Variants in SPATS2L observed in about 807,000 individuals in gnomAD.
SPATS2L encodes spermatogenesis associated serine rich 2 like, also known as SPATS2-like protein.
In SPATS2L, 30 loss-of-function variants were observed where a neutral mutation model predicts 59.6. That is an observed-to-expected ratio of 0.50 (90% CI 0.38 to 0.68). The LOEUF is 0.68. Ranked by LOEUF, SPATS2L falls within the 30% of genes least tolerant of loss-of-function variation. SPATS2L has a pLI of 0.00. For missense variants in SPATS2L, 615 were observed against 700.0 expected (o/e 0.88, Z 1.37); for synonymous variants, 252 against 263.5 (o/e 0.96, Z 0.42).
At chr2:200,418,029 A>G (rs2083137564) in intron 5 of SPATS2L, among the ~76,000 whole-genome samples, 1 of 152,154 alleles carries the variant, frequency 6.6e-6, no homozygotes, top group African/African-American at 2.4e-5. Context: ...TGATATTCTC[A>G]TGTATTCACC....
intron 2 of SPATS2L, among the ~76,000 whole-genome samples, chr2:200,387,388 T>G (rs2082024847): frequency 6.6e-6 from 1 of 152,212 alleles, no homozygotes; most frequent in Admixed American, 6.5e-5. Context: ...GCAGGGTCTC[T>G]CCTGCTAGCA....
intron 9 of SPATS2L, among the ~76,000 whole-genome samples, chr2:200,464,130 A>G (rs1261830683): frequency 1.3e-5 from 2 of 152,244 alleles, no homozygotes; most frequent in African/African-American, 4.8e-5. Context: ...GTGCTTCCAA[A>G]ACATACTTAT....
intron 3 of SPATS2L, among the ~76,000 whole-genome samples, chr2:200,409,374 T>C (rs1399380583): frequency 6.6e-6 from 1 of 152,182 alleles, no homozygotes; most frequent in East Asian, 1.9e-4. Flanking sequence ...CTTTTTTTTT[T>C]AGATTAAGAT....
At chr2:200,454,602 A>G (rs1016111019) in intron 8 of SPATS2L, among the ~76,000 whole-genome samples, 4 of 152,214 alleles carry the variant, frequency 2.6e-5, no homozygotes, top group South Asian at 2.1e-4. Flanking sequence ...AGTCTTTGCC[A>G]TGGTAATCTC....
intron 2 of SPATS2L, chr2:200,378,513 C>A (rs945180861): frequency 6.3e-5 from 30 of 479,210 alleles, no homozygotes; most frequent in Middle Eastern, 9.8e-4. Context: ...CACCAAGTGC[C>A]AGTGCGTTTA....
intron 8 of SPATS2L, among the ~76,000 whole-genome samples, chr2:200,454,881 T>G (rs2085729468): frequency 6.6e-6 from 1 of 152,212 alleles, no homozygotes; most frequent in African/African-American, 2.4e-5. Flanking sequence ...GTTATGTATT[T>G]CTGTCAAGTA....
At chr2:200,397,302 C>G (rs529137707) in intron 3 of SPATS2L, among the ~76,000 whole-genome samples, 1 of 152,130 alleles carries the variant, frequency 6.6e-6, no homozygotes, top group East Asian at 1.9e-4. Flanking sequence ...ATTCACAATC[C>G]CTTGGGATTT....
intron 6 of SPATS2L, among the ~76,000 whole-genome samples, chr2:200,424,194 T>A (rs755145413): frequency 2.0e-5 from 3 of 152,134 alleles, no homozygotes; most frequent in Non-Finnish European, 4.4e-5. Flanking sequence ...AGATCAAGAT[T>A]TATTTTTGCC....
intron 6 of SPATS2L, among the ~76,000 whole-genome samples, chr2:200,428,070 AAAC>A (rs1201590982): frequency 1.4e-4 from 18 of 128,652 alleles, no homozygotes; most frequent in African/African-American, 1.7e-4. Context: ...CGTGTCTCAA[AAAC>A]AAAAAAAAAA....
At chr2:200,441,075 T>C (rs1333597740) in intron 8 of SPATS2L, among the ~76,000 whole-genome samples, 1 of 152,176 alleles carries the variant, frequency 6.6e-6, no homozygotes, top group Non-Finnish European at 1.5e-5. Flanking sequence ...CCTCAAAAAA[T>C]AGTATTTTTG....
intron 8 of SPATS2L, among the ~76,000 whole-genome samples, chr2:200,447,957 C>T (rs555170207): frequency 6.6e-6 from 1 of 152,264 alleles, no homozygotes; most frequent in African/African-American, 2.4e-5. Flanking sequence ...CCAGCTGGAG[C>T]AACACAGGGA....
chr2:200,347,232 T>C (rs1181394862), intron 2 of SPATS2L, among the ~76,000 whole-genome samples: 1 of 152,164 alleles, frequency 6.6e-6, no homozygotes, highest in Non-Finnish European at 1.5e-5. Flanking sequence ...AGTAACACAT[T>C]CTGATTTTAT....
intron 2 of SPATS2L, among the ~76,000 whole-genome samples, chr2:200,378,895 C>T (rs1478324516): frequency 1.3e-5 from 2 of 152,096 alleles, no homozygotes; most frequent in Non-Finnish European, 2.9e-5. Flanking sequence ...CAGTGTTGTC[C>T]TTATAAAGAT....
chr2:200,424,046 A>C (rs181718301), intron 6 of SPATS2L, among the ~76,000 whole-genome samples: 1 of 152,352 alleles, frequency 6.6e-6, no homozygotes, highest in East Asian at 1.9e-4. Context: ...CAGATCGTTT[A>C]GAAGTTTAGG....
intron 12 of SPATS2L, among the ~76,000 whole-genome samples, chr2:200,475,738 G>A (rs181041483): frequency 1.3e-5 from 2 of 152,248 alleles, no homozygotes; most frequent in African/African-American, 4.8e-5. Context: ...CTGAATTATT[G>A]GGGGTTGGTC....
intron 8 of SPATS2L, among the ~76,000 whole-genome samples, chr2:200,449,735 T>A (rs1326333241): frequency 1.3e-5 from 2 of 152,222 alleles, no homozygotes; most frequent in Non-Finnish European, 2.9e-5. Context: ...AATTTGTTCT[T>A]ATATCTTAGT....
At chr2:200,411,666 G>T (rs540110103) in intron 3 of SPATS2L, among the ~76,000 whole-genome samples, 1 of 152,188 alleles carries the variant, frequency 6.6e-6, no homozygotes, top group African/African-American at 2.4e-5. Flanking sequence ...GTCATTAAAC[G>T]TTGAATATAA....
At chr2:200,464,638 T>TTTA (rs1044916155) in intron 9 of SPATS2L, among the ~76,000 whole-genome samples, 6 of 152,006 alleles carry the variant, frequency 3.9e-5, no homozygotes, top group South Asian at 4.2e-4. Context: ...TCAGACTTTT[T>TTTA]TTATTATTAT....
At chr2:200,388,087 G>A (rs1323587850) in intron 2 of SPATS2L, among the ~76,000 whole-genome samples, 1 of 152,146 alleles carries the variant, frequency 6.6e-6, no homozygotes, top group Non-Finnish European at 1.5e-5. Context: ...TGGAGATTAT[G>A]AAATTATGGA....
Sources: allele counts gnomAD v4.1 joint callset (sites outside exome capture counted in the v4.1 genomes callset), GRCh38; gene constraint gnomAD v4.1.1; transcripts MANE v1.5; gene names NCBI Gene and HGNC (gene_info 2026-07-23, HGNC 2026-07-21).